GFI1B: variants seen among roughly 807,000 people sequenced by gnomAD.
GFI1B encodes the protein zinc finger protein Gfi-1b.
Under a neutral mutation model 35.3 loss-of-function variants are expected in GFI1B, and 20 were observed. The ratio of observed to expected loss-of-function variants is 0.57; its 90% CI spans 0.40 to 0.82. The LOEUF (loss-of-function observed/expected upper bound fraction) is 0.82, where lower values mean the gene tolerates loss of function less well. GFI1B is among the 40% of genes least tolerant of loss of function. The probability of loss-of-function intolerance (pLI) is 0.00; values close to 1 mark genes in which losing one functional copy is unlikely to be tolerated. For missense variants in GFI1B, 430 were observed against 446.3 expected, an observed-to-expected ratio of 0.96 and a Z score of 0.33; for synonymous variants, 178 against 177.6, an observed-to-expected ratio of 1.00 and a Z score of -0.02.
intron 1 of GFI1B, among the ~76,000 whole-genome samples, chr9:132,982,865 G>T (rs1287096929): frequency 6.6e-6 from 1 of 152,104 alleles, no homozygotes; most frequent in African/African-American, 2.4e-5. Context: ...CGGGTGTGGG[G>T]CTCAGGGGAG....
chr9:132,947,412 C>CAAAAAAA, intron 1 of GFI1B, among the ~76,000 whole-genome samples: 1 of 95,994 alleles, frequency 1.0e-5, no homozygotes, highest in Non-Finnish European at 2.0e-5. Flanking sequence ...TTTAATCGAG[C>CAAAAAAA]AAAAAAAAAA....
intron 1 of GFI1B, among the ~76,000 whole-genome samples, chr9:132,960,394 G>A (rs890647242): frequency 6.6e-6 from 1 of 152,200 alleles, no homozygotes; most frequent in Non-Finnish European, 1.5e-5. Flanking sequence ...ATATCTGTAG[G>A]CAACGCAGAA....
intron 1 of GFI1B, chr9:132,951,700 C>T (rs1848205834): frequency 6.6e-6 from 1 of 152,194 alleles, no homozygotes; most frequent in Non-Finnish European, 1.5e-5. Context: ...CTCTGCTGTC[C>T]AGCTCCTCCT....
chr9:132,984,168 C>T (rs568114737), intron 1 of GFI1B, among the ~76,000 whole-genome samples: 3 of 152,342 alleles, frequency 2.0e-5, no homozygotes, highest in South Asian at 2.1e-4. Flanking sequence ...CCATGACCCT[C>T]ACAGGCCCCC....
chr9:132,979,379 A>T (rs915017955), intron 1 of GFI1B, among the ~76,000 whole-genome samples: 2 of 150,148 alleles, frequency 1.3e-5, no homozygotes, highest in African/African-American at 2.5e-5. Flanking sequence ...AGCTGGGATT[A>T]CAGGCGCGTG....
intron 1 of GFI1B, among the ~76,000 whole-genome samples, chr9:132,962,067 T>TACACACAC (rs145131246): frequency 0.014 from 1,967 of 143,970 alleles, 54 homozygotes; most frequent in African/African-American, 0.047. Flanking sequence ...ACCTACACTC[T>TACACACAC]ACACACACAC....
In GFI1B at chr9:132,989,848, T is replaced by A. The variant is rs944694471; in HGVS notation, c.755T>A (p.Phe252Tyr). The A allele has an allele frequency of 1.9e-6, 3 of 1,614,102 alleles. No homozygotes were observed. The highest frequency in any genetic ancestry group is 1.1e-5 in the South Asian group (1 of 91,092). The change falls in exon 6 of 7, where the codon TTC (phenylalanine) becomes TAC (tyrosine). Residue 252 changes from phenylalanine (F) to tyrosine (Y), a missense_variant. Transcript: ENST00000372122. This position sits in a 1 kb window ranked among gnomAD's most constrained non-coding sequence, Gnocchi z 6.2. ...GACACGCGGCCCTACCCCTGCCAGTTCTGCGGCAAGCGTTTCCACCAGAAG... is the reference window on the plus strand; with the variant it reads ...GACACGCGGCCCTACCCCTGCCAGTACTGCGGCAAGCGTTTCCACCAGAAG... ...HSDTRPYPCQ[F>Y]CGKRFHQKSD...
chr9:132,969,121 C>T (rs139694244), intron 1 of GFI1B, among the ~76,000 whole-genome samples: 3 of 152,244 alleles, frequency 2.0e-5, no homozygotes, highest in African/African-American at 7.2e-5. Context: ...CTCTGCCTCC[C>T]GGGTTCAAGC....
intron 1 of GFI1B, among the ~76,000 whole-genome samples, chr9:132,966,984 A>G (rs1433461708): frequency 1.3e-5 from 2 of 152,332 alleles, no homozygotes; most frequent in East Asian, 3.9e-4. Context: ...GTCCTCTCCA[A>G]AACTCATTTT....
intron 1 of GFI1B, among the ~76,000 whole-genome samples, chr9:132,985,532 GC>G (rs1248659501): frequency 6.6e-6 from 1 of 152,174 alleles, no homozygotes; most frequent in Non-Finnish European, 1.5e-5. Flanking sequence ...GAGAGAGAAA[GC>G]CCCTGTCTCT....
upstream of GFI1B, among the ~76,000 whole-genome samples, chr9:132,976,158 A>T (rs1323704039): frequency 6.6e-6 from 1 of 152,182 alleles, no homozygotes; most frequent in Non-Finnish European, 1.5e-5. Context: ...TCCTATTAGA[A>T]AACACCCTAA....
At chr9:132,961,838 G>C (rs1848370096) in intron 1 of GFI1B, among the ~76,000 whole-genome samples, 1 of 151,758 alleles carries the variant, frequency 6.6e-6, no homozygotes, top group Admixed American at 6.6e-5. Flanking sequence ...TGATCTGCCT[G>C]CCTCAGCCTC....
chr9:132,969,618 G>A (rs1462311101), intron 1 of GFI1B, among the ~76,000 whole-genome samples: 4 of 152,144 alleles, frequency 2.6e-5, no homozygotes, highest in East Asian at 1.9e-4. Context: ...ATCTTTCCGC[G>A]TGCCTTTCAG....
At chr9:132,973,517 C>T (rs965009247) in intron 2 of GFI1B, among the ~76,000 whole-genome samples, 1 of 152,190 alleles carries the variant, frequency 6.6e-6, no homozygotes, top group African/African-American at 2.4e-5. Context: ...AAGTGAGGCC[C>T]CATGAGTAAC....
chr9:132,970,055 A>G (rs1402871058), intron 1 of GFI1B, among the ~76,000 whole-genome samples: 1 of 151,942 alleles, frequency 6.6e-6, no homozygotes, highest in Non-Finnish European at 1.5e-5. Flanking sequence ...AGTGCTGATC[A>G]GTGTTGAGAA....
rs772586089 is a variant in GFI1B, at chr9:132,988,942, G to A, written c.511-119G>A. ...CAAGCAGCAGAACTGGCAATCCAGT[G>A]CCCCTTACTCTGTGTACCCAGCCTT... On this transcript the variant is annotated intron_variant, in intron 4 of 6. Transcript: ENST00000372122. 382 of 946,288 alleles carry A rather than the reference G, an allele frequency of 4.0e-4. 1 individual carries two copies. Among genetic ancestry groups the A allele is most frequent in the Non-Finnish European group, 5.0e-4 (297 of 590,170 alleles). 58.6% of individuals were successfully genotyped at this position (946,288 alleles called of 1,614,324 possible).
intron 4 of GFI1B, 110 bp downstream of exon 4, chr9:132,988,578 G>A (rs566059048): frequency 9.9e-7 from 1 of 1,011,882 alleles, no homozygotes. Context: ...GGCTCTGGTG[G>A]GATTAAGGAT....
intron 1 of GFI1B, chr9:132,949,592 A>C (rs1046648991): frequency 7.2e-5 from 11 of 152,308 alleles, no homozygotes; most frequent in Admixed American, 6.5e-4. Context: ...GTTATGCAAT[A>C]AGGCGGGACT....
rs980280681 is a variant in GFI1B at position 132,984,108 on chromosome 9, T to C, written c.-20-2551T>C. Among the ~76,000 whole-genome samples, 46 of 152,240 alleles carry C rather than the reference T, an allele frequency of 3.0e-4. 1 individual carries two copies. The highest frequency in any genetic ancestry group is 1.0e-4 in the Non-Finnish European group (7 of 68,036). ...CCTTTGGTTCTAGTTGATTTCCTCA[T>C]AAATATTATGCGCAAAAAAGGATCA... On this transcript the variant is annotated intron_variant, in intron 1 of 6. Transcript: ENST00000372122.
Sources: allele counts gnomAD v4.1 joint callset (sites outside exome capture counted in the v4.1 genomes callset), GRCh38; gene constraint gnomAD v4.1.1; non-coding constraint Gnocchi (gnomAD v3.1); transcripts MANE v1.5; gene names NCBI Gene and HGNC (gene_info 2026-07-23, HGNC 2026-07-21).